DGKB: variants seen among roughly 807,000 people sequenced by gnomAD.
DGKB encodes the protein 90 kDa diacylglycerol kinase.
DGKB carries 67 observed loss-of-function variants against 114.3 expected under a neutral mutation model. That is an observed-to-expected ratio of 0.59 (90% CI 0.48 to 0.72). DGKB has a LOEUF of 0.72. Ranked by LOEUF, DGKB falls within the 30% of genes least tolerant of loss-of-function variation. The probability of loss-of-function intolerance (pLI) is 0.00; values close to 1 mark genes in which losing one functional copy is unlikely to be tolerated. For missense variants in DGKB, 907 were observed against 975.2 expected (o/e 0.93, Z 0.93); for synonymous variants, 398 against 323.1 (o/e 1.23, Z -2.49).
intron 1 of DGKB, among the ~76,000 whole-genome samples, chr7:14,901,878 C>G (rs1208635245): frequency 6.6e-6 from 1 of 152,068 alleles, no homozygotes; most frequent in Non-Finnish European, 1.5e-5. Flanking sequence ...CATTTTCTGC[C>G]AGTGAACACA....
intron 15 of DGKB, 127 bp from the exon 16 acceptor site, chr7:14,613,540 T>C: frequency 3.3e-6 from 2 of 609,812 alleles, no homozygotes; most frequent in Admixed American, 2.7e-5. Context: ...ACAATGTGTG[T>C]GTGTGCATGT....
intron 21 of DGKB, among the ~76,000 whole-genome samples, chr7:14,449,630 C>T (rs1007290049): frequency 6.6e-6 from 1 of 152,066 alleles, no homozygotes; most frequent in Non-Finnish European, 1.5e-5. Flanking sequence ...TCTGCATTCA[C>T]TTTCCTGAAC....
chr7:14,620,171 G>T (rs2128812707), intron 15 of DGKB, among the ~76,000 whole-genome samples: 1 of 151,268 alleles, frequency 6.6e-6, no homozygotes, highest in South Asian at 2.1e-4. Context: ...GTTCCAAAAT[G>T]TACATCTTGA....
At chr7:14,892,915 CGCATATACATATCTATGTGTATATAT>C (rs1781489228) in intron 1 of DGKB, among the ~76,000 whole-genome samples, 1 of 147,370 alleles carries the variant, frequency 6.8e-6, no homozygotes, top group Non-Finnish European at 1.5e-5. Flanking sequence ...TATATATGTA[CGCATATACATATCTATGTGTATATAT>C]ACACACACAT....
chr7:14,841,112 C>CTA, intron 2 of DGKB, 82 bp downstream of exon 2: 2 of 1,261,300 alleles, frequency 1.6e-6, no homozygotes, highest in Non-Finnish European at 2.2e-6. Flanking sequence ...AGAACAGGAT[C>CTA]TATGATCCAT....
intron 25 of DGKB, among the ~76,000 whole-genome samples, chr7:14,168,269 G>T (rs1431420448): frequency 1.3e-5 from 2 of 152,064 alleles, no homozygotes; most frequent in Non-Finnish European, 2.9e-5. Context: ...GTAAACAATA[G>T]AAAATATAGA....
At chr7:14,257,158 T>TGTCA (rs1562760112) in intron 23 of DGKB, among the ~76,000 whole-genome samples, 1 of 152,150 alleles carries the variant, frequency 6.6e-6, no homozygotes, top group African/African-American at 2.4e-5. Context: ...TTTTTTATTC[T>TGTCA]GTCATTTATT....
chr7:14,166,935 G>C (rs1177291659), intron 25 of DGKB, among the ~76,000 whole-genome samples: 1 of 152,106 alleles, frequency 6.6e-6, no homozygotes, highest in East Asian at 1.9e-4. Context: ...GCCAGACACA[G>C]TGGGTGGCTC....
At chr7:14,505,646 T>C (rs761896987) in intron 20 of DGKB, among the ~76,000 whole-genome samples, 3 of 152,166 alleles carry the variant, frequency 2.0e-5, no homozygotes, top group Non-Finnish European at 2.9e-5. Context: ...TGTATAATTA[T>C]CTGCCTTAGA....
At chr7:14,967,366 G>T (rs1054250272) in intron 1 of DGKB, among the ~76,000 whole-genome samples, 1 of 151,188 alleles carries the variant, frequency 6.6e-6, no homozygotes, top group African/African-American at 2.4e-5. Context: ...TGTTGCCCAG[G>T]CTGGAGCACA....
chr7:14,497,053 G>T (rs542992144), intron 20 of DGKB, among the ~76,000 whole-genome samples: 51 of 151,898 alleles, frequency 3.4e-4, no homozygotes, highest in Non-Finnish European at 6.9e-4. Context: ...GGATGGAACT[G>T]CAGGCCACTA....
At chr7:14,753,540 T>A (rs1237814857) in intron 4 of DGKB, among the ~76,000 whole-genome samples, 1 of 152,164 alleles carries the variant, frequency 6.6e-6, no homozygotes, top group Non-Finnish European at 1.5e-5. Context: ...CAAAGCCTTA[T>A]CATTGCATTT....
At chr7:14,393,214 C>T (rs1394583911) in intron 21 of DGKB, among the ~76,000 whole-genome samples, 1 of 151,594 alleles carries the variant, frequency 6.6e-6, no homozygotes, top group Non-Finnish European at 1.5e-5. Context: ...TGGTCTCGAT[C>T]TCCTGACCTC....
intron 2 of DGKB, among the ~76,000 whole-genome samples, chr7:14,762,447 A>C (rs550853899): frequency 5.9e-5 from 9 of 152,232 alleles, no homozygotes; most frequent in African/African-American, 2.2e-4. Flanking sequence ...TTACTTTTAA[A>C]ATGTTCAGAA....
intron 2 of DGKB, among the ~76,000 whole-genome samples, chr7:14,836,370 G>A (rs1207729585): frequency 6.6e-6 from 1 of 152,022 alleles, no homozygotes; most frequent in African/African-American, 2.4e-5. Flanking sequence ...AGTATTTTTC[G>A]AAAATAATTT....
In DGKB at chr7:14,576,464, A is replaced by G. The variant is rs114222481; in HGVS notation, c.1610-2092T>C. Among the ~76,000 whole-genome samples the G allele has an allele frequency of 8.5e-3, 1,295 of 151,896 alleles. 16 individuals carry two copies. Among genetic ancestry groups the G allele is most frequent in the African/African-American group, 0.029 (1,206 of 41,432 alleles). Reference sequence around the variant, plus strand: ...AAAAAACACTTAAATATATTCATCTATTTTCCAAATTCTGCTTTCATGTCA... The same window carrying G: ...AAAAAACACTTAAATATATTCATCTGTTTTCCAAATTCTGCTTTCATGTCA... On this transcript the variant is annotated intron_variant, in intron 19 of 25. Transcript: ENST00000402815.
intron 21 of DGKB, among the ~76,000 whole-genome samples, chr7:14,408,025 T>G (rs1824228220): frequency 6.6e-6 from 1 of 152,138 alleles, no homozygotes; most frequent in Non-Finnish European, 1.5e-5. Flanking sequence ...TGTGGGGGCA[T>G]ACTGATAATT....
chr7:14,965,316 G>A (rs1017577244), intron 1 of DGKB, among the ~76,000 whole-genome samples: 1 of 151,954 alleles, frequency 6.6e-6, no homozygotes, highest in Non-Finnish European at 1.5e-5. Context: ...AAGAATGAGA[G>A]GAGTTATAAA....
chr7:14,521,008 C>T (rs1789679417), intron 20 of DGKB, among the ~76,000 whole-genome samples: 1 of 151,808 alleles, frequency 6.6e-6, no homozygotes, highest in Non-Finnish European at 1.5e-5. Context: ...TTCTTTCAGC[C>T]CTTTGAATAT....
Sources: allele counts gnomAD v4.1 joint callset (sites outside exome capture counted in the v4.1 genomes callset), GRCh38; gene constraint gnomAD v4.1.1; transcripts MANE v1.5; gene names NCBI Gene and HGNC (gene_info 2026-07-23, HGNC 2026-07-21).